Variants in XPO5 observed in about 807,000 individuals in gnomAD.
XPO5 encodes exportin-5.
XPO5 carries 46 observed loss-of-function variants against 160.6 expected under a neutral mutation model. That is an observed-to-expected ratio of 0.29 (90% CI 0.23 to 0.37). The LOEUF (loss-of-function observed/expected upper bound fraction) is 0.37. Among genes scored for constraint, XPO5 ranks in the 10% least tolerant of loss-of-function variants. The pLI, the probability that XPO5 is intolerant of heterozygous loss-of-function variation, is 1.00. For synonymous variants in XPO5, 537 were observed against 519.3 expected (o/e 1.03, Z -0.46); for missense variants, 1,090 against 1,463.9 (o/e 0.74, Z 4.17).
intron 20 of XPO5, among the ~76,000 whole-genome samples, chr6:43,544,571 C>G (rs1447877970): frequency 1.3e-5 from 2 of 152,120 alleles, no homozygotes; most frequent in Admixed American, 1.3e-4. Flanking sequence ...AGCTTCTTGC[C>G]CTATGATTTC....
At position 43,526,711 on chromosome 6, in the gene XPO5, C is replaced by T. The variant is rs1793617279; in HGVS notation, c.2957G>A (p.Ser986Asn). The T allele has an allele frequency of 2.5e-6, 4 of 1,613,878 alleles. No individual in the cohort carries two copies. The highest frequency in any genetic ancestry group is 1.1e-5 in the South Asian group (1 of 91,064). The change falls in exon 27 of 32, where the codon AGT (serine) becomes AAT (asparagine). Residue 986 changes from serine to asparagine, a missense_variant. Ser to Asn is a conservative substitution (Grantham distance 46). Transcript: ENST00000265351. ...CCVSKKGADHSSAPPADGDDE... is the reference protein window; with the variant it reads ...CCVSKKGADHNSAPPADGDDE... Reference sequence around the variant, plus strand: ...GTCTCCATCTGCTGGGGGAGCACTACTGTGGTCAGCACCCTTCTTTGAAAC... The same window carrying T: ...GTCTCCATCTGCTGGGGGAGCACTATTGTGGTCAGCACCCTTCTTTGAAAC...
intron 20 of XPO5, among the ~76,000 whole-genome samples, chr6:43,541,057 C>T (rs1167113519): frequency 2.0e-5 from 3 of 151,924 alleles, no homozygotes; most frequent in Non-Finnish European, 2.9e-5. Flanking sequence ...TTAAACAATT[C>T]GACTCATGGA....
chr6:43,548,602 A>G (rs1376859712), intron 17 of XPO5, 142 bp from the exon 18 acceptor site: 2 of 685,006 alleles, frequency 2.9e-6, no homozygotes, highest in African/African-American at 3.7e-5. Flanking sequence ...TAATTCTGTT[A>G]TATGTCTTTA....
chr6:43,570,471 T>C lies in XPO5; in HGVS notation c.621+31A>G, dbSNP rs35642078. On this transcript the variant is annotated intron_variant, in intron 5 of 31. Transcript: ENST00000265351. ...AATCAAAAACACTCATATTGGAAAA[T>C]AGAAATGTTATAGGTAGGGGTATCC... 0.31 allele frequency: 482,655 copies of C among 1,580,654 alleles called. 78,584 individuals carry two copies. The highest frequency in any genetic ancestry group is 0.62 in the East Asian group (27,247 of 44,200).
intron 8 of XPO5, among the ~76,000 whole-genome samples, chr6:43,563,261 G>A (rs944016237): frequency 1.1e-4 from 17 of 152,106 alleles, no homozygotes; most frequent in African/African-American, 4.1e-4. Context: ...AAGTAGCTGG[G>A]ACTATAAAGC....
At chr6:43,540,880 A>C (rs977605867) in intron 20 of XPO5, among the ~76,000 whole-genome samples, 2 of 152,242 alleles carry the variant, frequency 1.3e-5, no homozygotes, top group Admixed American at 6.5e-5. Context: ...CATAATTCAC[A>C]TAACATAAAA....
intron 27 of XPO5, chr6:43,526,410 G>A: frequency 2.0e-6 from 1 of 490,466 alleles, no homozygotes; most frequent in Non-Finnish European, 3.7e-6. Context: ...GTTGGTCATG[G>A]ACGATCTCTG....
chr6:43,575,655 A>T, intron 1 of XPO5, 105 bp downstream of exon 1: 1 of 1,051,418 alleles, frequency 9.5e-7, no homozygotes, highest in Non-Finnish European at 1.4e-6. Context: ...AAGGAGGTCC[A>T]GGGGCCGCGT....
intron 9 of XPO5, chr6:43,561,293 G>T (rs1762401407): frequency 2.9e-6 from 1 of 339,678 alleles, no homozygotes; most frequent in Non-Finnish European, 5.4e-6. Context: ...ATTACAGAAA[G>T]AAAAAAAATC....
chr6:43,549,000 T>C (rs1795099728), intron 17 of XPO5, among the ~76,000 whole-genome samples: 1 of 152,154 alleles, frequency 6.6e-6, no homozygotes, highest in Non-Finnish European at 1.5e-5. Flanking sequence ...TGAAGAGAGA[T>C]TACATTTGCC....
At chr6:43,560,699 A>ACAAT (rs935692255) in intron 10 of XPO5, among the ~76,000 whole-genome samples, 13 of 152,342 alleles carry the variant, frequency 8.5e-5, no homozygotes, top group African/African-American at 3.1e-4. Flanking sequence ...GTGACTGAGT[A>ACAAT]CAATCAGAAT....
chr6:43,568,342 G>A (rs1384560477), intron 6 of XPO5, among the ~76,000 whole-genome samples: 1 of 151,858 alleles, frequency 6.6e-6, no homozygotes, highest in Non-Finnish European at 1.5e-5. Flanking sequence ...AAAAACAAAC[G>A]ACAGATGCAG....
chr6:43,526,638 T>G (rs574396228), intron 27 of XPO5, 47 bp downstream of exon 27: 1 of 1,606,510 alleles, frequency 6.2e-7, no homozygotes, highest in East Asian at 2.2e-5. Flanking sequence ...AGGAACAGTA[T>G]TTAGGAGGCT....
At chr6:43,561,649 G>C (rs3757267) in intron 9 of XPO5, 17,051 of 153,126 alleles carry the variant, frequency 0.11, 2,086 homozygotes, top group African/African-American at 0.31. Flanking sequence ...AAAATGCTGG[G>C]ATTACAGGCA....
chr6:43,543,432 G>A (rs113585625), intron 20 of XPO5, among the ~76,000 whole-genome samples: 2,828 of 152,192 alleles, frequency 0.019, 35 homozygotes, highest in South Asian at 0.04. Flanking sequence ...CAACCTGGGC[G>A]ACAGGATAAG....
At chr6:43,526,183 G>A (rs1235126535) in intron 27 of XPO5, 14 of 478,590 alleles carry the variant, frequency 2.9e-5, no homozygotes, top group Non-Finnish European at 5.3e-5. Flanking sequence ...TTACTTTGTT[G>A]TTGGACAAAT....
intron 20 of XPO5, 34 bp from the exon 21 acceptor site, chr6:43,534,041 A>T: frequency 6.6e-7 from 1 of 1,511,872 alleles, no homozygotes; most frequent in Non-Finnish European, 9.1e-7. Context: ...GAGCTTTTCC[A>T]TCTGATGCAG....
At chr6:43,552,309 T>C (rs779211435) in intron 14 of XPO5, among the ~76,000 whole-genome samples, 4 of 152,086 alleles carry the variant, frequency 2.6e-5, no homozygotes, top group African/African-American at 4.8e-5. Context: ...CCACCCACCT[T>C]AGCCTCCACG....
At chr6:43,528,234 A>G in intron 24 of XPO5, 29 bp from the exon 25 acceptor site, 1 of 1,570,916 alleles carries the variant, frequency 6.4e-7, no homozygotes, top group Non-Finnish European at 8.6e-7. Flanking sequence ...AATAAATGCT[A>G]GAATTGGGGA....
Sources: gnomAD v4.1 joint callset for allele counts (sites outside exome capture counted in the v4.1 genomes callset) on GRCh38, gnomAD v4.1.1 for gene constraint, MANE v1.5 for transcripts, NCBI Gene and HGNC (gene_info 2026-07-23, HGNC 2026-07-21) for gene names.